The following PIEZO1 variants were observed in gnomAD, a reference collection of about 807,000 sequenced individuals.
PIEZO1 encodes the protein piezo-type mechanosensitive ion channel component 1.
Under a neutral mutation model 297.2 loss-of-function variants are expected in PIEZO1, and 296 were observed. That is an observed-to-expected ratio of 1.00 (90% confidence interval 0.91 to 1.10). The LOEUF is 1.10. PIEZO1 is among the 50% of genes least tolerant of loss of function. The probability of loss-of-function intolerance (pLI) is 0.00; values close to 1 mark genes in which losing one functional copy is unlikely to be tolerated. For synonymous variants in PIEZO1, 2,427 were observed against 1,507.5 expected, an observed-to-expected ratio of 1.61 and a Z score of -14.13; for missense variants, 5,018 against 3,455.5, an observed-to-expected ratio of 1.45 and a Z score of -11.34.
At chr16:88,740,178 T>C (rs1430058873) in intron 5 of PIEZO1, 1 of 152,256 alleles carries the variant, frequency 6.6e-6, no homozygotes, top group Non-Finnish European at 1.5e-5. Context: ...CGTGTGTGTG[T>C]TGCCCATATG....
At chr16:88,725,954 A>G in intron 27 of PIEZO1, 1 of 568,596 alleles carries the variant, frequency 1.8e-6, no homozygotes, top group Non-Finnish European at 3.1e-6. Flanking sequence ...GCCCCAAGCC[A>G]GAACCCCTCC....
At position 88,727,079 on chromosome 16, in the gene PIEZO1, G is replaced by A. The variant is rs756869715; in HGVS notation, c.3415C>T (p.Arg1139Trp). The part of the protein sequence containing the change: ...GVNTDRLEPL[R>W]GEPNPVPNFI... The stretch of plus-strand genomic sequence containing the variant: ...TTGGGCACGGGGTTGGGCTCCCCCC[G>A]CAGCGGCTCCAGGCGGTCGGTGTTG... Residue 1139 changes from arginine (R) to tryptophan (W), a missense_variant, in exon 24 of 51, where the codon CGG (arginine) becomes TGG (tryptophan). Coordinates refer to ENST00000301015, the MANE Select transcript of PIEZO1 (RefSeq NM_001142864.4). The A allele has an allele frequency of 8.4e-6, 13 of 1,549,458 alleles. No individual in the cohort carries two copies. The highest frequency in any genetic ancestry group is 2.0e-5 in the Admixed American group (1 of 50,970).
chr16:88,722,943 A>G lies in PIEZO1; in HGVS notation c.4562T>C (p.Leu1521Pro). The change falls in exon 34 of 51, where the codon CTA (leucine) becomes CCA (proline). Residue 1521 changes from leucine to proline, a missense_variant. Transcript: ENST00000301015. The part of the protein sequence containing the change: ...AQFLWMLGQA[L>P]VDELTRWLQE... ...CAGCCAGCGTGTCAGCTCATCCACT[A>G]GCGCCTGCCCCAGCATCCACAGGAA... The G allele has an allele frequency of 1.3e-6, 2 of 1,549,112 alleles. No homozygotes were observed. Among genetic ancestry groups the G allele is most frequent in the Non-Finnish European group, 1.7e-6 (2 of 1,146,690 alleles).
chr16:88,734,048 A>C lies in PIEZO1; in HGVS notation c.2187T>G (p.Asp729Glu). ...GCAGCAGTGGGGTCCCACTCACTGCATCCTGCCTGGGAGAGGGTCCGAAAA... is the reference window on the plus strand; with the variant it reads ...GCAGCAGTGGGGTCCCACTCACTGCCTCCTGCCTGGGAGAGGGTCCGAAAA... ...TRLPRWAHRQ[D>E]AVSGTPLLRE... Residue 729 changes from aspartate to glutamate, a missense_variant, in exon 17 of 51, where the codon GAT becomes GAG. Asp to Glu is a conservative substitution (Grantham distance 45, BLOSUM62 2). Coordinates refer to ENST00000301015, the MANE Select transcript of PIEZO1 (RefSeq NM_001142864.4). 1 of 1,518,956 alleles carries C rather than the reference A, an allele frequency of 6.6e-7. No homozygotes were observed. Among genetic ancestry groups the C allele is most frequent in the Non-Finnish European group, 8.9e-7 (1 of 1,127,868 alleles). 94.1% of individuals were successfully genotyped at this position (1,518,956 alleles called of 1,614,324 possible).
rs1908116761 is a variant in PIEZO1 at position 88,784,983 on chromosome 16, C to G, written c.-19G>C. 8.0e-7 allele frequency: 1 copy of G among 1,244,324 alleles called. No homozygotes were observed. The highest frequency in any genetic ancestry group is 3.5e-5 in the East Asian group (1 of 28,648). The allele number at this position is 1,244,324 out of a possible 1,614,324, so 77.1% of individuals were successfully genotyped here. A position where few individuals can be genotyped will look rare whatever the true frequency, so the allele number is the denominator to read the frequency against. On this transcript the variant is annotated 5_prime_UTR_variant, in exon 1 of 51. Transcript: ENST00000301015. ...GCTCCATGGCTGGAGGGCCCAGGGC[C>G]CGGCCCAGACCGAGCGGACGCCGCG...
At chr16:88,741,187 A>G (rs1174111078) in intron 5 of PIEZO1, 1 of 291,860 alleles carries the variant, frequency 3.4e-6, no homozygotes, top group African/African-American at 2.2e-5. Flanking sequence ...GGTTTCCACC[A>G]CCGCGTGGCC....
chr16:88,725,202 G>T, intron 29 of PIEZO1, 122 bp from the exon 30 acceptor site: 1 of 736,440 alleles, frequency 1.4e-6, no homozygotes, highest in Non-Finnish European at 2.2e-6. Flanking sequence ...ACAGTGACGG[G>T]GGCCGTGTGG....
chr16:88,769,244 G>T (rs934565455), intron 1 of PIEZO1, among the ~76,000 whole-genome samples: 2 of 152,190 alleles, frequency 1.3e-5, no homozygotes, highest in Admixed American at 6.5e-5. Flanking sequence ...AATGACGGGG[G>T]TCTCACTATG....
intron 1 of PIEZO1, among the ~76,000 whole-genome samples, chr16:88,782,829 T>A (rs915865214): frequency 3.6e-5 from 5 of 137,172 alleles, no homozygotes; most frequent in Admixed American, 3.6e-4. Flanking sequence ...AGAGCCTGAC[T>A]CAGGAGTCCC....
rs955705936 is a variant in PIEZO1, at chr16:88,722,063, G to A, written c.4959C>T (p.Arg1653=). Residue 1653 remains arginine (R), a synonymous_variant, in exon 37 of 51, where the codon CGC becomes CGT. Coordinates refer to ENST00000301015, the MANE Select transcript of PIEZO1 (RefSeq NM_001142864.4). Reference sequence around the variant, plus strand: ...CCTCCTCCAGCTCTGGGATGCGCAGGCGCCTACAGGGAGACCCGCGTGTTT... The same window carrying A: ...CCTCCTCCAGCTCTGGGATGCGCAGACGCCTACAGGGAGACCCGCGTGTTT... ...RTASELLLDR[R]LRIPELEEAE... The A allele has an allele frequency of 2.6e-6, 4 of 1,545,086 alleles. No individual in the cohort carries two copies. In the African/African-American group the frequency reaches 5.5e-5, roughly 21 times the overall value.
intron 1 of PIEZO1, among the ~76,000 whole-genome samples, chr16:88,779,913 G>A (rs892432415): frequency 2.0e-5 from 3 of 152,226 alleles, no homozygotes; most frequent in Non-Finnish European, 4.4e-5. Flanking sequence ...CGGGGGGGAC[G>A]GCTGTCCCGC....
intron 44 of PIEZO1, chr16:88,719,209 CCT>C (rs1491188963): frequency 6.9e-5 from 18 of 262,262 alleles, no homozygotes; most frequent in East Asian, 2.9e-4. Context: ...ACTAGAAACC[CCT>C]GAGTTGTACT....
At chr16:88,727,437 C>T (rs1181927309) in intron 23 of PIEZO1, 120 bp downstream of exon 23, 9 of 641,114 alleles carry the variant, frequency 1.4e-5, no homozygotes, top group Non-Finnish European at 2.4e-5. Context: ...CTGCAGGCCG[C>T]CATGTGCCTG....
chr16:88,749,483 CG>C lies in PIEZO1; in HGVS notation c.65-5del. On this transcript the variant is annotated splice_region_variant and splice_polypyrimidine_tract_variant and intron_variant, in intron 1 of 50. Coordinates refer to ENST00000301015, the MANE Select transcript of PIEZO1 (RefSeq NM_001142864.4). ...CCGCTGAAGCGGAGCAGGCAGGCTG[CG>C]GGGAGATGGGCGTTAACTAGGTCGC... 6.6e-7 allele frequency: 1 copy of C among 1,524,134 alleles called. No individual in the cohort carries two copies. Among genetic ancestry groups the C allele is most frequent in the Non-Finnish European group, 8.8e-7 (1 of 1,141,890 alleles). The allele number at this position is 1,524,134 out of a possible 1,614,324, so 94.4% of individuals were successfully genotyped here. A position where few individuals can be genotyped will look rare whatever the true frequency, so the allele number is the denominator to read the frequency against.
chr16:88,783,324 A>C (rs2142917109), intron 1 of PIEZO1, among the ~76,000 whole-genome samples: 1 of 152,362 alleles, frequency 6.6e-6, no homozygotes, highest in Non-Finnish European at 1.5e-5. Context: ...TTTTACATTT[A>C]ATGGCTGGAA....
intron 2 of PIEZO1, among the ~76,000 whole-genome samples, chr16:88,748,840 C>T (rs552029907): frequency 4.2e-5 from 6 of 144,536 alleles, no homozygotes; most frequent in East Asian, 4.2e-4. Flanking sequence ...GGCTGGGATG[C>T]GAGGATTACT....
At chr16:88,731,683 C>T in intron 22 of PIEZO1, 23 bp downstream of exon 22, 1 of 1,542,516 alleles carries the variant, frequency 6.5e-7, no homozygotes, top group Non-Finnish European at 8.8e-7. Flanking sequence ...AGCCCACTCC[C>T]ACCCAAGCCA....
At position 88,721,906 on chromosome 16, in the gene PIEZO1, C is replaced by T. The variant is rs773223277; in HGVS notation, c.5116G>A (p.Gly1706Ser). 1.0e-4 allele frequency: 161 copies of T among 1,550,020 alleles called. No homozygotes were observed. The highest frequency in any genetic ancestry group is 1.7e-4 in the Middle Eastern group (1 of 6,014). ...ACGAGCACGGGCAGCACCAGCGAGC[C>T]GGCGGAGGCCGTGACCATGTGGTTG... ...ILNHMVTASA[G>S]SLVLPVLVFL... Residue 1706 changes from glycine (G) to serine (S), a missense_variant, in exon 37 of 51, where the codon GGC becomes AGC. Physicochemically the swap from Gly to Ser is moderately conservative, Grantham distance 56. Coordinates refer to ENST00000301015, the MANE Select transcript of PIEZO1 (RefSeq NM_001142864.4).
At chr16:88,742,018 G>A (rs1463512653) in intron 4 of PIEZO1, 35 bp downstream of exon 4, 5 of 1,533,912 alleles carry the variant, frequency 3.3e-6, no homozygotes, top group African/African-American at 1.4e-5. Context: ...CCCCAAGGGA[G>A]GCTTGCTGGT....
Sources: allele counts gnomAD v4.1 joint callset (sites outside exome capture counted in the v4.1 genomes callset), GRCh38; gene constraint gnomAD v4.1.1; transcripts MANE v1.5; gene names NCBI Gene and HGNC (gene_info 2026-07-23, HGNC 2026-07-21).